The following GLRA2 variants were observed in gnomAD, a reference collection of about 807,000 sequenced individuals.
GLRA2 encodes glycine receptor alpha 2.
GLRA2 carries 11 observed loss-of-function variants against 31.6 expected under a neutral mutation model. That is an observed-to-expected ratio of 0.35 (90% CI 0.22 to 0.58). The LOEUF is 0.58. GLRA2 is among the 20% of genes least tolerant of loss of function. The pLI is 0.84. For synonymous variants in GLRA2, 132 were observed against 134.0 expected, an observed-to-expected ratio of 0.99 and a Z score of 0.10; for missense variants, 212 against 351.8, an observed-to-expected ratio of 0.60 and a Z score of 3.18.
intron 7 of GLRA2, among the ~76,000 whole-genome samples, chrX:14,624,344 A>G (rs1232878088): frequency 9.0e-6 from 1 of 110,934 alleles, no homozygotes; most frequent in East Asian, 2.9e-4. Flanking sequence ...TTGTGTCTCT[A>G]TCTCCTTCAG....
chrX:14,684,407 C>G (rs370799421), intron 7 of GLRA2, among the ~76,000 whole-genome samples: 1 of 111,603 alleles, frequency 9.0e-6, no homozygotes, highest in Non-Finnish European at 1.9e-5. Flanking sequence ...TTACCTTGGG[C>G]AGTATGGCCA....
the GLRA2 span, among the ~76,000 whole-genome samples, chrX:14,516,436 T>A: frequency 8.9e-6 from 1 of 111,736 alleles, no homozygotes; most frequent in Non-Finnish European, 1.9e-5. Flanking sequence ...TTTTTCAATC[T>A]ATTTAATCTT....
chrX:14,551,132 G>A (rs2089556562), intron 2 of GLRA2, among the ~76,000 whole-genome samples: 1 of 111,790 alleles, frequency 8.9e-6, no homozygotes, highest in African/African-American at 3.2e-5. Context: ...GGTTGCTTAT[G>A]GTCATACAGC....
intron 8 of GLRA2, among the ~76,000 whole-genome samples, chrX:14,702,562 T>G (rs2091559343): frequency 8.9e-6 from 1 of 112,040 alleles, no homozygotes; most frequent in African/African-American, 3.2e-5. Flanking sequence ...CTGGTTTGAA[T>G]TCTTTGCAGT....
chrX:14,529,950 A>G lies in GLRA2; in HGVS notation c.-108A>G, dbSNP rs2089232102. On this transcript the variant is annotated 5_prime_UTR_variant, in exon 1 of 9. Transcript: ENST00000218075. The stretch of plus-strand genomic sequence containing the variant: ...CAAATCTCTTTTTGATTTTCAAGGA[A>G]ACTAGGTTCCTGCCAAATTTTGAAT... The G allele has an allele frequency of 3.2e-6, 2 of 624,055 alleles. No individual in the cohort carries two copies. The highest frequency in any genetic ancestry group is 2.3e-5 in the South Asian group (1 of 43,584). The allele number at this position is 624,055 out of a possible 1,213,427, so 51.4% of individuals were successfully genotyped here.
the GLRA2 span, among the ~76,000 whole-genome samples, chrX:14,450,240 A>T: frequency 1.6e-4 from 18 of 112,369 alleles, no homozygotes; most frequent in African/African-American, 5.8e-4. Flanking sequence ...AGTGCATCAC[A>T]AGACCACCTG....
rs1218456400 is a variant in GLRA2 at position 14,627,919 on chromosome X, G to C, written c.930+18714G>C. 2.7e-5 allele frequency among the ~76,000 whole-genome samples: 3 copies of C among 111,985 alleles called. No individual in the cohort carries two copies. In the East Asian group the frequency reaches 8.4e-4, roughly 31 times the overall value. Reference sequence around the variant, plus strand: ...TTGTTAGTTCCAAACCGTATGTGTAGATTTCTCTTTTTGTGGGACTCTGTA... The same window carrying C: ...TTGTTAGTTCCAAACCGTATGTGTACATTTCTCTTTTTGTGGGACTCTGTA... On this transcript the variant is annotated intron_variant, in intron 7 of 8. Coordinates refer to ENST00000218075, the MANE Select transcript of GLRA2 (RefSeq NM_002063.4).
Position 14,617,142 on chromosome X carries a change from CT to C in GLRA2, c.930+7940del, listed in dbSNP as rs766683053. Among the ~76,000 whole-genome samples the C allele has an allele frequency of 1.3e-4, 14 of 111,524 alleles. No individual in the cohort carries two copies. The South Asian group carries it at 5.2e-3, about 42-fold the overall frequency. On this transcript the variant is annotated intron_variant, in intron 7 of 8. Transcript: ENST00000218075. ...TCAAGTCCTGGTGAGGCTCGTAAGC[CT>C]TTGGGGATGGCATATGGAAATTCAG...
chrX:14,555,312 T>A (rs900254494), intron 2 of GLRA2, among the ~76,000 whole-genome samples: 1 of 112,038 alleles, frequency 8.9e-6, no homozygotes, highest in African/African-American at 3.2e-5. Flanking sequence ...CCCAATGAAC[T>A]TGAGAGTTAG....
intron 7 of GLRA2, among the ~76,000 whole-genome samples, chrX:14,633,914 C>T (rs1005520166): frequency 9.0e-6 from 1 of 111,573 alleles, no homozygotes; most frequent in East Asian, 2.8e-4. Flanking sequence ...ATGGGGATTA[C>T]AATTCAGATT....
In GLRA2 at chrX:14,654,290, G is replaced by C. The variant is rs773337762; in HGVS notation, c.931-36420G>C. Among the ~76,000 whole-genome samples the C allele has an allele frequency of 3.6e-5, 4 of 111,734 alleles. No homozygotes were observed. The South Asian group carries it at 1.1e-3, about 31-fold the overall frequency. On this transcript the variant is annotated intron_variant, in intron 7 of 8. Coordinates refer to ENST00000218075, the MANE Select transcript of GLRA2 (RefSeq NM_002063.4). Reference sequence around the variant, plus strand: ...TCACTGAAGGCTCAGATGATTGTTAGTATTTTTTAGCCATGAAGTATTTTT... The same window carrying C: ...TCACTGAAGGCTCAGATGATTGTTACTATTTTTTAGCCATGAAGTATTTTT...
the GLRA2 span, among the ~76,000 whole-genome samples, chrX:14,476,415 G>A: frequency 8.9e-6 from 1 of 111,750 alleles, no homozygotes; most frequent in South Asian, 3.7e-4. Flanking sequence ...TGTCTTACTG[G>A]CATGTTTCCT....
At chrX:14,634,943 A>G (rs1229057862) in intron 7 of GLRA2, among the ~76,000 whole-genome samples, 1 of 112,214 alleles carries the variant, frequency 8.9e-6, no homozygotes, top group East Asian at 2.8e-4. Flanking sequence ...ATCCAGATGG[A>G]TAAGTACTGG....
intron 7 of GLRA2, among the ~76,000 whole-genome samples, chrX:14,677,421 T>G (rs1206158858): frequency 3.6e-5 from 4 of 111,762 alleles, no homozygotes; most frequent in Non-Finnish European, 7.5e-5. Flanking sequence ...AAAACACATA[T>G]GCATGAAGCG....
intron 2 of GLRA2, among the ~76,000 whole-genome samples, chrX:14,532,578 G>A (rs1436087078): frequency 9.0e-6 from 1 of 111,527 alleles, no homozygotes; most frequent in Non-Finnish European, 1.9e-5. Flanking sequence ...CCTTGTTTGT[G>A]TTCTATTTCA....
At chrX:14,564,558 A>G (rs2030286077) in intron 2 of GLRA2, among the ~76,000 whole-genome samples, 1 of 112,432 alleles carries the variant, frequency 8.9e-6, no homozygotes, top group Non-Finnish European at 1.9e-5. Flanking sequence ...GGCAAATGTA[A>G]AAACACTATT....
chrX:14,593,902 A>G (rs1365826583), intron 4 of GLRA2, among the ~76,000 whole-genome samples: 1 of 113,073 alleles, frequency 8.8e-6, no homozygotes, highest in Admixed American at 9.3e-5. Context: ...TGTAGCTCAT[A>G]ACAGAGGTGA....
chrX:14,677,839 C>T (rs1229694086), intron 7 of GLRA2, among the ~76,000 whole-genome samples: 2 of 112,013 alleles, frequency 1.8e-5, no homozygotes, highest in African/African-American at 6.5e-5. Context: ...GGTTGAGAAC[C>T]ACTGGACTGG....
Position 14,532,382 on chromosome X carries a change from A to C in GLRA2, c.202+10A>C, listed in dbSNP as rs760779411. 3.5e-6 allele frequency: 4 copies of C among 1,129,639 alleles called. No individual in the cohort carries two copies. The highest frequency in any genetic ancestry group is 4.8e-6 in the Non-Finnish European group (4 of 837,454). The allele number at this position is 1,129,639 out of a possible 1,213,427, so 93.1% of individuals were successfully genotyped here. ...AGGCCAAATTTTAAAGGTAGGTTCCACTTAAACTTACGTTAAGCCTTTGAG... is the reference window on the plus strand; with the variant it reads ...AGGCCAAATTTTAAAGGTAGGTTCCCCTTAAACTTACGTTAAGCCTTTGAG... On this transcript the variant is annotated intron_variant, in intron 2 of 8. Transcript: ENST00000218075.
Sources: gnomAD v4.1 joint callset for allele counts (sites outside exome capture counted in the v4.1 genomes callset) on GRCh38, gnomAD v4.1.1 for gene constraint, MANE v1.5 for transcripts, NCBI Gene and HGNC (gene_info 2026-07-23, HGNC 2026-07-21) for gene names.